The following PELI2 variants were observed in gnomAD, a reference collection of about 807,000 sequenced individuals.
PELI2 encodes the protein E3 ubiquitin-protein ligase pellino homolog 2.
Under a neutral mutation model 42.3 loss-of-function variants are expected in PELI2, and 23 were observed. That is an observed-to-expected ratio of 0.54 (90% CI 0.39 to 0.77). The LOEUF is 0.77. PELI2 is among the 30% of genes least tolerant of loss of function. The pLI is 0.00. For synonymous variants in PELI2, 245 were observed against 212.2 expected (o/e 1.15, Z -1.34); for missense variants, 463 against 553.2 (o/e 0.84, Z 1.64).
chr14:56,202,229 GT>G (rs1197377869), intron 2 of PELI2, among the ~76,000 whole-genome samples: 2 of 152,162 alleles, frequency 1.3e-5, no homozygotes, highest in African/African-American at 2.4e-5. Flanking sequence ...ATTGTACCAT[GT>G]TTGTAAAAAT....
intron 1 of PELI2, among the ~76,000 whole-genome samples, chr14:56,146,031 A>G (rs1053831389): frequency 2.0e-5 from 3 of 152,242 alleles, no homozygotes; most frequent in Non-Finnish European, 2.9e-5. Context: ...AATGTGACAG[A>G]TGACATTGTT....
At chr14:56,262,050 G>A (rs1028293983) in intron 2 of PELI2, among the ~76,000 whole-genome samples, 3 of 152,222 alleles carry the variant, frequency 2.0e-5, no homozygotes, top group Non-Finnish European at 2.9e-5. Flanking sequence ...GGCTTTATCC[G>A]TAAGAGGGCA....
chr14:56,147,836 T>C (rs955705665), intron 1 of PELI2, among the ~76,000 whole-genome samples: 2 of 152,222 alleles, frequency 1.3e-5, no homozygotes, highest in African/African-American at 4.8e-5. Flanking sequence ...ACTAGAGTAC[T>C]GTTATGTTAT....
At chr14:56,206,782 T>C (rs8010678) in intron 2 of PELI2, among the ~76,000 whole-genome samples, 61,219 of 152,012 alleles carry the variant, frequency 0.4, 13,033 homozygotes, top group South Asian at 0.53. Flanking sequence ...TTATGGCTCT[T>C]ATACACTGAC....
intron 1 of PELI2, among the ~76,000 whole-genome samples, chr14:56,134,770 G>A (rs1951955): frequency 0.13 from 19,192 of 148,408 alleles, 1,424 homozygotes; most frequent in Middle Eastern, 0.18. Context: ...AATCTTGTCA[G>A]TAAACTATTT....
At chr14:56,264,935 TAAGAA>T (rs1888843362) in intron 2 of PELI2, among the ~76,000 whole-genome samples, 1 of 152,104 alleles carries the variant, frequency 6.6e-6, no homozygotes, top group South Asian at 2.1e-4. Flanking sequence ...GGGATAAATC[TAAGAA>T]AAGATGTGGA....
intron 2 of PELI2, among the ~76,000 whole-genome samples, chr14:56,246,536 C>A (rs540510378): frequency 1.3e-5 from 2 of 152,296 alleles, no homozygotes; most frequent in Admixed American, 1.3e-4. Flanking sequence ...GAGTGCTCTT[C>A]AGGACAAGCG....
chr14:56,188,288 A>G (rs1885840604), intron 2 of PELI2, among the ~76,000 whole-genome samples: 1 of 152,214 alleles, frequency 6.6e-6, no homozygotes, highest in African/African-American at 2.4e-5. Context: ...GCTTTGGGAC[A>G]GTCACTTGTT....
At chr14:56,264,173 C>T (rs1219561745) in intron 2 of PELI2, among the ~76,000 whole-genome samples, 1 of 152,190 alleles carries the variant, frequency 6.6e-6, no homozygotes, top group South Asian at 2.1e-4. Context: ...TGCCTTCTTG[C>T]TTCAGTTCTC....
In PELI2 at chr14:56,261,601, G is replaced by A. The variant is rs541547181; in HGVS notation, c.208-18075G>A. Reference sequence around the variant, plus strand: ...AACAAAGAAAAGAGTATGCAGTGCAGTATAGACTTGCCCATCCACTTAGGA... The same window carrying A: ...AACAAAGAAAAGAGTATGCAGTGCAATATAGACTTGCCCATCCACTTAGGA... On this transcript the variant is annotated intron_variant, in intron 2 of 5. Transcript: ENST00000267460. 7.2e-5 allele frequency among the ~76,000 whole-genome samples: 11 copies of A among 152,310 alleles called. No individual in the cohort carries two copies. The East Asian group carries it at 1.9e-3, about 27-fold the overall frequency.
intron 2 of PELI2, among the ~76,000 whole-genome samples, chr14:56,204,519 G>T (rs183724382): frequency 6.6e-6 from 1 of 152,220 alleles, no homozygotes; most frequent in East Asian, 1.9e-4. Flanking sequence ...AGATGACTGC[G>T]GTTTGCGGTA....
chr14:56,255,154 A>G (rs1342612615), intron 2 of PELI2, among the ~76,000 whole-genome samples: 1 of 152,254 alleles, frequency 6.6e-6, no homozygotes, highest in African/African-American at 2.4e-5. Flanking sequence ...CCAAAGGATT[A>G]TAAGTCATTC....
chr14:56,127,292 T>C (rs1883307338), intron 1 of PELI2, among the ~76,000 whole-genome samples: 1 of 152,152 alleles, frequency 6.6e-6, no homozygotes, highest in Non-Finnish European at 1.5e-5. Flanking sequence ...AAAGGTCACC[T>C]GACATGAAAT....
At chr14:56,280,552 T>C (rs1380128820) in intron 3 of PELI2, among the ~76,000 whole-genome samples, 1 of 151,862 alleles carries the variant, frequency 6.6e-6, no homozygotes, top group African/African-American at 2.4e-5. Context: ...ATATGGAGAG[T>C]TAAATTATTA....
chr14:56,240,286 T>C (rs55724547), intron 2 of PELI2, among the ~76,000 whole-genome samples: 34 of 151,652 alleles, frequency 2.2e-4, no homozygotes, highest in South Asian at 6.3e-4. Context: ...GGCGAGACGA[T>C]TGGGGGCCTG....
rs1380230610 is a variant in PELI2 at position 56,297,023 on chromosome 14, T to A, written c.1120T>A (p.Ser374Thr). 6.2e-7 allele frequency: 1 copy of A among 1,614,110 alleles called. No individual in the cohort carries two copies. The highest frequency in any genetic ancestry group is 2.2e-5 in the East Asian group (1 of 44,884). Residue 374 changes from serine to threonine, a missense_variant, in exon 6 of 6, where the codon TCG becomes ACG. By Grantham distance (58) the Ser-to-Thr change is moderately conservative. This residue lies in a region of PELI2 where 103 missense variants were observed against 129.6 expected (regional missense o/e 0.80). Coordinates refer to ENST00000267460, the MANE Select transcript of PELI2 (RefSeq NM_021255.3). The stretch of plus-strand genomic sequence containing the variant: ...TTTCACTCCCTGTGGACACGTGTGC[T>A]CGGAGAAGTCTGCAAAATACTGGTC... ...HAFTPCGHVC[S>T]EKSAKYWSQI...
intron 2 of PELI2, among the ~76,000 whole-genome samples, chr14:56,202,675 A>G (rs529366325): frequency 6.6e-6 from 1 of 152,260 alleles, no homozygotes; most frequent in South Asian, 2.1e-4. Context: ...TAGGTGTAGG[A>G]TGATTGAATT....
chr14:56,248,610 G>A (rs951430263), intron 2 of PELI2, among the ~76,000 whole-genome samples: 1 of 152,098 alleles, frequency 6.6e-6, no homozygotes, highest in African/African-American at 2.4e-5. Flanking sequence ...GCATGGATGG[G>A]GAGGCTGACC....
intron 1 of PELI2, among the ~76,000 whole-genome samples, chr14:56,140,884 G>A (rs2139603135): frequency 6.6e-6 from 1 of 152,282 alleles, no homozygotes; most frequent in South Asian, 2.1e-4. Flanking sequence ...CCAAGAGAAT[G>A]GGAAAGATGC....
Sources: gnomAD v4.1 joint callset for allele counts (sites outside exome capture counted in the v4.1 genomes callset) on GRCh38, gnomAD v4.1.1 for gene constraint, gnomAD v4.1.1 regional missense constraint, MANE v1.5 for transcripts, NCBI Gene and HGNC (gene_info 2026-07-23, HGNC 2026-07-21) for gene names.